Variants in RIT2 observed in about 807,000 individuals in gnomAD.
The protein encoded by RIT2 is GTP-binding protein Rit2.
RIT2 carries 24 observed loss-of-function variants against 23.7 expected under a neutral mutation model. The observed-to-expected ratio is 1.01, with a 90% confidence interval of 0.73 to 1.43. The LOEUF is 1.43. Among genes scored for constraint, RIT2 ranks in the 40% most tolerant of loss-of-function variants. RIT2 has a pLI of 0.00. For missense variants in RIT2, 236 were observed against 266.9 expected (o/e 0.88, Z 0.81); for synonymous variants, 107 against 91.1 (o/e 1.17, Z -0.99).
intron 4 of RIT2, among the ~76,000 whole-genome samples, chr18:42,892,493 G>A (rs1908206787): frequency 6.6e-6 from 1 of 152,112 alleles, no homozygotes; most frequent in Admixed American, 6.6e-5. Flanking sequence ...AAGAGGCTGA[G>A]GTCTGCATTA....
intron 2 of RIT2, among the ~76,000 whole-genome samples, chr18:42,983,485 C>T (rs1265159410): frequency 6.6e-6 from 1 of 151,690 alleles, no homozygotes; most frequent in Non-Finnish European, 1.5e-5. Context: ...GCATAGACTA[C>T]AAAAAAATGA....
intron 2 of RIT2, among the ~76,000 whole-genome samples, chr18:43,012,179 G>C (rs964134392): frequency 3.3e-5 from 5 of 151,800 alleles, no homozygotes; most frequent in African/African-American, 1.2e-4. Context: ...GTGTGACCTA[G>C]GAGTATAAAT....
At chr18:42,905,674 T>C (rs1908593540) in intron 4 of RIT2, among the ~76,000 whole-genome samples, 1 of 152,122 alleles carries the variant, frequency 6.6e-6, no homozygotes, top group African/African-American at 2.4e-5. Flanking sequence ...GGTTTCACCA[T>C]GTTGGTCAGG....
chr18:43,105,138 G>T (rs946435215), intron 1 of RIT2, among the ~76,000 whole-genome samples: 1 of 148,648 alleles, frequency 6.7e-6, no homozygotes, highest in Admixed American at 6.8e-5. Flanking sequence ...GTGTTTGTGT[G>T]TGTGTGTGTG....
intron 1 of RIT2, among the ~76,000 whole-genome samples, 186 bp downstream of exon 1, chr18:43,115,231 A>C (rs543305795): frequency 1.3e-5 from 2 of 152,166 alleles, no homozygotes; most frequent in South Asian, 2.1e-4. Flanking sequence ...GGCTGTCTGC[A>C]TTATCCTGAC....
At chr18:42,873,034 A>T (rs1009491472) in intron 4 of RIT2, among the ~76,000 whole-genome samples, 1 of 152,174 alleles carries the variant, frequency 6.6e-6, no homozygotes, top group African/African-American at 2.4e-5. Context: ...CAAAGATGTC[A>T]TTAGAATGAT....
intron 4 of RIT2, among the ~76,000 whole-genome samples, chr18:42,823,120 A>G (rs183248533): frequency 1.8e-4 from 27 of 152,274 alleles, no homozygotes; most frequent in Admixed American, 1.2e-3. Flanking sequence ...CTCAAATCAG[A>G]TAACTCTAAT....
chr18:42,948,212 C>T (rs1909771449), intron 3 of RIT2, among the ~76,000 whole-genome samples: 1 of 152,030 alleles, frequency 6.6e-6, no homozygotes, highest in Non-Finnish European at 1.5e-5. Context: ...GAATGGAAAA[C>T]AAGAAGTGAA....
chr18:43,013,663 C>T (rs2144257196), intron 2 of RIT2, among the ~76,000 whole-genome samples: 1 of 151,804 alleles, frequency 6.6e-6, no homozygotes, highest in South Asian at 2.1e-4. Context: ...TCATGCTTTC[C>T]TTCTGAGAAC....
At chr18:43,036,180 G>A (rs933508345) in intron 1 of RIT2, among the ~76,000 whole-genome samples, 1 of 152,196 alleles carries the variant, frequency 6.6e-6, no homozygotes, top group African/African-American at 2.4e-5. Context: ...TATTAGACTT[G>A]AGAAACATAC....
intron 1 of RIT2, among the ~76,000 whole-genome samples, chr18:43,081,520 C>CTTCATAT (rs1452553442): frequency 6.6e-6 from 1 of 152,116 alleles, no homozygotes; most frequent in Non-Finnish European, 1.5e-5. Flanking sequence ...CTAAGTCTGA[C>CTTCATAT]TTCATATGTG....
chr18:42,804,664 TTAACTCATGGCCTTG>T (rs1245210443), intron 4 of RIT2, among the ~76,000 whole-genome samples: 1 of 151,628 alleles, frequency 6.6e-6, no homozygotes, highest in Non-Finnish European at 1.5e-5. Flanking sequence ...CAATAAATGA[TTAACTCATGGCCTTG>T]GTCCCGAAAG....
rs2143869928 is a variant in RIT2 at position 42,743,578 on chromosome 18, A to G, written c.569T>C (p.Leu190Ser). 1.2e-6 allele frequency: 2 copies of G among 1,614,040 alleles called. No homozygotes were observed. The highest frequency in any genetic ancestry group is 8.5e-7 in the Non-Finnish European group (1 of 1,179,986). The change falls in exon 5 of 5, where the codon TTG becomes TCG. Residue 190 changes from leucine (L) to serine (S), a missense_variant. Physicochemically the swap from Leu to Ser is moderately radical, Grantham distance 145. Coordinates refer to ENST00000326695, the MANE Select transcript of RIT2 (RefSeq NM_002930.4). ...TTTTCTCTTCAGTTTCTTTTCCATC[A>G]AGGATGGCATGGACTCCTTCTTGCG... is the stretch of plus-strand genomic sequence containing the variant. ...EIRKKESMPS[L>S]MEKKLKRKDS...
Position 42,961,561 on chromosome 18 carries a change from A to G in RIT2, c.234+12513T>C, listed in dbSNP as rs766974470. 1.0e-3 allele frequency among the ~76,000 whole-genome samples: 153 copies of G among 152,338 alleles called. 1 individual carries two copies. Among genetic ancestry groups the G allele is most frequent in the Non-Finnish European group, 1.7e-3 (117 of 68,028 alleles). On this transcript the variant is annotated intron_variant, in intron 3 of 4. Transcript: ENST00000326695. ...CTGAACTAGAGTGTAAAATCAAGGT[A>G]GGAGTATACATGGCACCTACAGACC...
At chr18:43,016,080 C>T (rs1391461113) in intron 2 of RIT2, among the ~76,000 whole-genome samples, 1 of 151,778 alleles carries the variant, frequency 6.6e-6, no homozygotes, top group Non-Finnish European at 1.5e-5. Flanking sequence ...TTAAAAAATG[C>T]TACTATCCAG....
At chr18:43,049,972 C>CTTTTTTTTT (rs755291383) in intron 1 of RIT2, among the ~76,000 whole-genome samples, 2,231 of 65,798 alleles carry the variant, frequency 0.034, 124 homozygotes, top group East Asian at 0.11. Context: ...AAGGGATTTC[C>CTTTTTTTTT]TTTTTTTTTT....
chr18:43,041,398 A>G (rs530804456), intron 1 of RIT2, among the ~76,000 whole-genome samples: 3 of 152,174 alleles, frequency 2.0e-5, no homozygotes, highest in Non-Finnish European at 4.4e-5. Flanking sequence ...ATACTACCCT[A>G]CCAGAGAAAT....
At chr18:42,786,796 C>A (rs1200205003) in intron 4 of RIT2, among the ~76,000 whole-genome samples, 1 of 152,072 alleles carries the variant, frequency 6.6e-6, no homozygotes, top group Non-Finnish European at 1.5e-5. Context: ...CCTTTCTTTC[C>A]ATTTATCAAA....
intron 2 of RIT2, among the ~76,000 whole-genome samples, chr18:43,025,029 G>A (rs144094097): frequency 1.4e-4 from 22 of 151,898 alleles, no homozygotes; most frequent in East Asian, 7.8e-4. Context: ...CCAACATGGC[G>A]AAACCTCATC....
Sources: gnomAD v4.1 joint callset for allele counts (sites outside exome capture counted in the v4.1 genomes callset) on GRCh38, gnomAD v4.1.1 for gene constraint, MANE v1.5 for transcripts, NCBI Gene and HGNC (gene_info 2026-07-23, HGNC 2026-07-21) for gene names.